SEMA6B: variants seen among roughly 807,000 people sequenced by gnomAD.
SEMA6B encodes the protein semaphorin 6B.
Under a neutral mutation model 78.6 loss-of-function variants are expected in SEMA6B, and 47 were observed. The ratio of observed to expected loss-of-function variants is 0.60; its 90% CI spans 0.47 to 0.76. The LOEUF (loss-of-function observed/expected upper bound fraction) is 0.76. Among genes scored for constraint, SEMA6B ranks in the 30% least tolerant of loss-of-function variants. The probability of loss-of-function intolerance (pLI) is 0.00; values close to 1 mark genes in which losing one functional copy is unlikely to be tolerated. For synonymous variants in SEMA6B, 632 were observed against 592.2 expected (o/e 1.07, Z -0.98); for missense variants, 1,213 against 1,269.9 (o/e 0.96, Z 0.68).
intron 3 of SEMA6B, 52 bp from the exon 4 acceptor site, chr19:4,557,275 G>C (rs372401193): frequency 1.4e-6 from 2 of 1,381,298 alleles, no homozygotes; most frequent in African/African-American, 1.4e-5. Flanking sequence ...ACCCTCTCCC[G>C]TTCCATCCTT....
In SEMA6B at chr19:4,558,308, C is replaced by T. The variant is rs529465789; in HGVS notation, c.121+29G>A. On this transcript the variant is annotated intron_variant, in intron 2 of 16. Coordinates refer to ENST00000586582, the MANE Select transcript of SEMA6B (RefSeq NM_032108.4). This position sits in a 1 kb window ranked among gnomAD's most constrained non-coding sequence, Gnocchi z 5.1. ...ACCCAGATACTCCCACGGGACTCCA[C>T]CCCCGCCCAAAGACACCCCCAGACT... 3.2e-5 allele frequency: 42 copies of T among 1,314,652 alleles called. No homozygotes were observed. Among genetic ancestry groups the T allele is most frequent in the Non-Finnish European group, 4.1e-5 (42 of 1,022,358 alleles). 81.4% of individuals were successfully genotyped at this position (1,314,652 alleles called of 1,614,324 possible). A position where few individuals can be genotyped will look rare whatever the true frequency, so the allele number is the denominator to read the frequency against.
chr19:4,544,615 T>C lies in SEMA6B; in HGVS notation c.1739-86A>G. The C allele has an allele frequency of 1.5e-6, 1 of 655,574 alleles. No individual in the cohort carries two copies. Among genetic ancestry groups the C allele is most frequent in the Non-Finnish European group, 2.2e-6 (1 of 454,798 alleles). The allele number at this position is 655,574 out of a possible 1,614,324, so 40.6% of individuals were successfully genotyped here. A position where few individuals can be genotyped will look rare whatever the true frequency, so the allele number is the denominator to read the frequency against. On this transcript the variant is annotated intron_variant, in intron 16 of 16. Coordinates refer to ENST00000586582, the MANE Select transcript of SEMA6B (RefSeq NM_032108.4). This position sits in a 1 kb window ranked among gnomAD's most constrained non-coding sequence, Gnocchi z 5.1. ...ACCTCCTCGGGGCCCTCTGTCCTCT[T>C]TTTTATTATTTTTATTTTTTTTTAT...
At chr19:4,548,201 A>G (rs377259271) in intron 13 of SEMA6B, 28 bp from the exon 14 acceptor site, 45 of 1,588,392 alleles carry the variant, frequency 2.8e-5, no homozygotes, top group Non-Finnish European at 3.8e-5. Flanking sequence ...GGTGAGGCTG[A>G]GCGCATCTCA....
rs115168835 is a variant in SEMA6B at position 4,558,410 on chromosome 19, C to A, written c.48G>T (p.Leu16=). The A allele has an allele frequency of 3.4e-3, 4,361 of 1,267,290 alleles. 144 individuals are homozygous for A. In the African/African-American group the frequency reaches 0.062, roughly 18 times the overall value. The allele number at this position is 1,267,290 out of a possible 1,614,324, so 78.5% of individuals were successfully genotyped here. ...ASPPRPALLL[L]LLLLGGAHGL... ...CGTGGGCGCCCCCCAGTAGCAGCAG[C>A]AGAAGCAGCAGGGCCGGGCGGGGAG... The change falls in exon 2 of 17, where the codon CTG becomes CTT. Residue 16 remains leucine (L), a synonymous_variant. Coordinates refer to ENST00000586582, the MANE Select transcript of SEMA6B (RefSeq NM_032108.4). The surrounding 1 kb of genome is among the most constrained non-coding windows in gnomAD (Gnocchi z 5.1).
At position 4,543,592 on chromosome 19, in the gene SEMA6B, GC is replaced by G. The variant is rs746289882; in HGVS notation, c.*8del. 1.3e-5 allele frequency: 16 copies of G among 1,216,984 alleles called. No homozygotes were observed. Among genetic ancestry groups the G allele is most frequent in the South Asian group, 4.0e-5 (1 of 24,790 alleles). 75.4% of individuals were successfully genotyped at this position (1,216,984 alleles called of 1,614,324 possible). On this transcript the variant is annotated 3_prime_UTR_variant, in exon 17 of 17. Transcript: ENST00000586582. ...GCTGGCACTGCCAAGGCATCGGGGGGCCCCCGGCCTAGGGCACGGGGGGCGC... is the reference window on the plus strand; with the variant it reads ...GCTGGCACTGCCAAGGCATCGGGGGGCCCCGGCCTAGGGCACGGGGGGCGC...
At position 4,558,111 on chromosome 19, in the gene SEMA6B, C is replaced by T; in HGVS notation, c.160G>A (p.Gly54Arg). 3 of 1,527,972 alleles carry T rather than the reference C, an allele frequency of 2.0e-6. No homozygotes were observed. The highest frequency in any genetic ancestry group is 2.7e-6 in the Non-Finnish European group (3 of 1,130,410). 94.7% of individuals were successfully genotyped at this position (1,527,972 alleles called of 1,614,324 possible). Residue 54 changes from glycine (G) to arginine (R), a missense_variant, in exon 3 of 17, where the codon GGA (glycine) becomes AGA (arginine). By Grantham distance (125) the Gly-to-Arg change is moderately radical (BLOSUM62 -2). Coordinates refer to ENST00000586582, the MANE Select transcript of SEMA6B (RefSeq NM_032108.4). The surrounding 1 kb of genome is among the most constrained non-coding windows in gnomAD (Gnocchi z 5.1). ...GCACCTTCTGCGGGGGTCAGGCGTC[C>T]GGGCCCGCTGCCCACAAACACGGGA... Reference protein sequence around the residue: ...HYPVFVGSGPGRLTPAEGADD... With the variant: ...HYPVFVGSGPRRLTPAEGADD...
At position 4,543,171 on chromosome 19, in the gene SEMA6B, G is replaced by A. The variant is rs1045565540; in HGVS notation, c.*430C>T. On this transcript the variant is annotated 3_prime_UTR_variant, in exon 17 of 17. Transcript: ENST00000586582. ...ACACACGCCAGGGGCCTGGGTTGGG[G>A]AGGGACCTTTCCAGGGGTGGGGGAG... 3 of 596,232 alleles carry A rather than the reference G, an allele frequency of 5.0e-6. No homozygotes were observed. Among genetic ancestry groups the A allele is most frequent in the Admixed American group, 3.0e-5 (1 of 33,822 alleles). The allele number at this position is 596,232 out of a possible 1,614,324, so 36.9% of individuals were successfully genotyped here.
rs745844541 is a variant in SEMA6B, at chr19:4,552,478, C to T, written c.933G>A (p.Val311=). The T allele has an allele frequency of 6.2e-7, 1 of 1,610,562 alleles. No homozygotes were observed. Among genetic ancestry groups the T allele is most frequent in the South Asian group, 1.1e-5 (1 of 90,694 alleles). ...CCACGGGCCGGCCCCCGAGGCTGAC[C>T]ACGCCCGTGACAGCCTGCAGCACGT... is the stretch of plus-strand genomic sequence containing the variant. ...YFNVLQAVTG[V]VSLGGRPVVL... The change falls in exon 10 of 17, where the codon GTG becomes GTA. Residue 311 remains valine (V), a synonymous_variant. Transcript: ENST00000586582. The surrounding 1 kb of genome is among the most constrained non-coding windows in gnomAD (Gnocchi z 7.4).
At position 4,543,655 on chromosome 19, in the gene SEMA6B, C is replaced by T. The variant is rs1820306692; in HGVS notation, c.2613G>A (p.Leu871=). 11 of 1,231,726 alleles carry T rather than the reference C, an allele frequency of 8.9e-6. No individual in the cohort carries two copies. The South Asian group carries it at 3.7e-4, about 41-fold the overall frequency. 76.3% of individuals were successfully genotyped at this position (1,231,726 alleles called of 1,614,324 possible). Reference sequence around the variant, plus strand: ...CCCCCCCATAGGGGAGGAGGTGGGCCAAGTCTGTGCCCGGCCGGGCGTGGC... The same window carrying T: ...CCCCCCCATAGGGGAGGAGGTGGGCTAAGTCTGTGCCCGGCCGGGCGTGGC... ...RGCHARPGTD[L]AHLLPYGGAD... is the part of the protein sequence containing the mutation. Residue 871 remains leucine (L), a synonymous_variant, in exon 17 of 17, where the codon TTG becomes TTA. Transcript: ENST00000586582.
rs1977446342 is a variant in SEMA6B, at chr19:4,555,563, A to T, written c.473T>A (p.Ile158Lys). ...GTCTCCGACGGGCTGCAGGGTGTCT[A>T]TCTGCAGGGACCATGGGGCCTGAGT... ...AFNPVCANYS[I>K]DTLQPVGDNI... The change falls in exon 7 of 17, where the codon ATA becomes AAA. Residue 158 changes from isoleucine to lysine, a missense_variant and splice_region_variant. Ile to Lys is a moderately radical substitution (Grantham distance 102, BLOSUM62 -3). Coordinates refer to ENST00000586582, the MANE Select transcript of SEMA6B (RefSeq NM_032108.4). The surrounding 1 kb of genome is among the most constrained non-coding windows in gnomAD (Gnocchi z 6.1). 2 of 1,612,366 alleles carry T rather than the reference A, an allele frequency of 1.2e-6. No homozygotes were observed. The highest frequency in any genetic ancestry group is 1.3e-5 in the African/African-American group (1 of 74,982).
chr19:4,556,315 G>A (rs1243482734), intron 5 of SEMA6B, among the ~76,000 whole-genome samples: 1 of 152,150 alleles, frequency 6.6e-6, no homozygotes, highest in Non-Finnish European at 1.5e-5. Context: ...TCAGACTGTG[G>A]GCATAACCAT....
At chr19:4,547,899 C>G in intron 14 of SEMA6B, 128 bp downstream of exon 14, 1 of 1,238,330 alleles carries the variant, frequency 8.1e-7, no homozygotes, top group Non-Finnish European at 1.1e-6. Context: ...GGCCTTTGCA[C>G]GGGCCATGCC....
In SEMA6B at chr19:4,546,201, G is replaced by T. The variant is rs111311618; in HGVS notation, c.1738+15C>A. The T allele has an allele frequency of 3.4e-3, 5,385 of 1,595,780 alleles. 34 individuals are homozygous for T. Among genetic ancestry groups the T allele is most frequent in the Middle Eastern group, 7.1e-3 (35 of 4,914 alleles). ...TGGGGGATGGGGGTCTTAGCCTGCC[G>T]TCCCCCCAACTCACCTGTGCAGTCC... On this transcript the variant is annotated intron_variant, in intron 16 of 16. Coordinates refer to ENST00000586582, the MANE Select transcript of SEMA6B (RefSeq NM_032108.4).
chr19:4,543,435 G>A lies in SEMA6B; in HGVS notation c.*166C>T. ...GCGGCCCCGGGTAGGGGGAGGGCGA[G>A]CTGGTTGTGCTTCCTTGTGGCGGAG... On this transcript the variant is annotated 3_prime_UTR_variant, in exon 17 of 17. Transcript: ENST00000586582. 5.1e-6 allele frequency: 2 copies of A among 388,778 alleles called. No homozygotes were observed. Among genetic ancestry groups the A allele is most frequent in the Non-Finnish European group, 4.5e-6 (1 of 221,534 alleles). The allele number at this position is 388,778 out of a possible 1,614,324, so 24.1% of individuals were successfully genotyped here.
In SEMA6B at chr19:4,550,310, G is replaced by C; in HGVS notation, c.1122-38C>G. 1.2e-6 allele frequency: 2 copies of C among 1,609,230 alleles called. No homozygotes were observed. On this transcript the variant is annotated intron_variant, in intron 11 of 16. Transcript: ENST00000586582. The surrounding 1 kb of genome is among the most constrained non-coding windows in gnomAD (Gnocchi z 6.6). ...AGGGTGTGGTCAGGACGAACGTAAA[G>C]GTTCTCATAAAGGGGCCTGATTCAC...
At chr19:4,547,471 G>A (rs1296599454) in intron 14 of SEMA6B, among the ~76,000 whole-genome samples, 1 of 152,192 alleles carries the variant, frequency 6.6e-6, no homozygotes, top group Non-Finnish European at 1.5e-5. Context: ...TTGCAATAAC[G>A]GCGGGCAGGA....
In SEMA6B at chr19:4,554,488, G is replaced by T. The variant is rs111712535; in HGVS notation, c.683-12C>A. ...GACAAAGTAAGGCTCTGCAGGACAGGAGGGGTCAGAACTCAGCCCCTGACA... is the reference window on the plus strand; with the variant it reads ...GACAAAGTAAGGCTCTGCAGGACAGTAGGGGTCAGAACTCAGCCCCTGACA... On this transcript the variant is annotated splice_polypyrimidine_tract_variant and intron_variant, in intron 8 of 16. Coordinates refer to ENST00000586582, the MANE Select transcript of SEMA6B (RefSeq NM_032108.4). 3.7e-6 allele frequency: 6 copies of T among 1,608,704 alleles called. No individual in the cohort carries two copies. In the South Asian group the frequency reaches 6.6e-5, roughly 18 times the overall value.
Position 4,543,417 on chromosome 19 carries a change from C to T in SEMA6B, c.*184G>A, listed in dbSNP as rs1977071928. ...AAACCGTCTCAGCGTCCTGCGGCCC[C>T]GGGTAGGGGGAGGGCGAGCTGGTTG... On this transcript the variant is annotated 3_prime_UTR_variant, in exon 17 of 17. Transcript: ENST00000586582. The T allele has an allele frequency of 2.5e-6, 1 of 393,910 alleles. No homozygotes were observed. Among genetic ancestry groups the T allele is most frequent in the African/African-American group, 2.1e-5 (1 of 48,156 alleles). 24.4% of individuals were successfully genotyped at this position (393,910 alleles called of 1,614,324 possible). A position where few individuals can be genotyped will look rare whatever the true frequency, so the allele number is the denominator to read the frequency against.
intron 9 of SEMA6B, among the ~76,000 whole-genome samples, chr19:4,553,217 G>A (rs972208752): frequency 6.6e-6 from 1 of 152,144 alleles, no homozygotes; most frequent in African/African-American, 2.4e-5. Flanking sequence ...TGGATGTGTG[G>A]GTGGATGGAT....
Sources: gnomAD v4.1 joint callset for allele counts (sites outside exome capture counted in the v4.1 genomes callset) on GRCh38, gnomAD v4.1.1 for gene constraint, Gnocchi (gnomAD v3.1) non-coding constraint, MANE v1.5 for transcripts, NCBI Gene and HGNC (gene_info 2026-07-23, HGNC 2026-07-21) for gene names.